Variants in CTNNA2 observed in about 807,000 individuals in gnomAD.
CTNNA2 encodes catenin alpha 2.
Under a neutral mutation model 101.0 loss-of-function variants are expected in CTNNA2, and 42 were observed. That is an observed-to-expected ratio of 0.42 (90% CI 0.32 to 0.54). The LOEUF is 0.54. CTNNA2 is among the 20% of genes least tolerant of loss of function. CTNNA2 has a pLI of 0.14. For missense variants in CTNNA2, 871 were observed against 1,223.1 expected (o/e 0.71, Z 4.29); for synonymous variants, 450 against 456.4 (o/e 0.99, Z 0.18).
chr2:80,391,685 C>T (rs1350345501), intron 7 of CTNNA2, among the ~76,000 whole-genome samples: 2 of 152,198 alleles, frequency 1.3e-5, no homozygotes, highest in Admixed American at 6.5e-5. Flanking sequence ...AGAGGCAGAG[C>T]ATTGAAGTCA....
chr2:80,582,294 A>G (rs917633802), intron 14 of CTNNA2, among the ~76,000 whole-genome samples: 7 of 152,164 alleles, frequency 4.6e-5, no homozygotes, highest in African/African-American at 7.2e-5. Context: ...ATGATATCTA[A>G]GACCGTATCT....
At chr2:79,202,348 T>TA (rs1553381693) in intron 2 of CTNNA2, among the ~76,000 whole-genome samples, 3 of 151,686 alleles carry the variant, frequency 2.0e-5, no homozygotes, top group African/African-American at 4.8e-5. Flanking sequence ...TTTTTTATTT[T>TA]TTTTATTTTT....
intron 7 of CTNNA2, among the ~76,000 whole-genome samples, chr2:80,315,588 G>A (rs1008063474): frequency 2.3e-4 from 35 of 152,134 alleles, no homozygotes; most frequent in African/African-American, 7.2e-4. Context: ...GTGATTGTAG[G>A]GTTCCAAGAG....
At chr2:79,342,489 T>G (rs1489507564) in intron 3 of CTNNA2, among the ~76,000 whole-genome samples, 1 of 152,248 alleles carries the variant, frequency 6.6e-6, no homozygotes, top group East Asian at 1.9e-4. Context: ...CTTCCACCTC[T>G]ATTTGATTCT....
intron 2 of CTNNA2, among the ~76,000 whole-genome samples, chr2:79,245,678 C>T (rs1010465028): frequency 6.6e-6 from 1 of 152,122 alleles, no homozygotes; most frequent in African/African-American, 2.4e-5. Context: ...CCTTTCAGTC[C>T]CACTGATTTA....
At chr2:80,038,102 TTAAAA>T (rs1695786330) in intron 7 of CTNNA2, among the ~76,000 whole-genome samples, 2 of 152,192 alleles carry the variant, frequency 1.3e-5, no homozygotes, top group Non-Finnish European at 2.9e-5. Context: ...TCTCATGGAC[TTAAAA>T]ATTTCATTTT....
At chr2:80,244,406 C>G (rs184938845) in intron 7 of CTNNA2, among the ~76,000 whole-genome samples, 1 of 152,334 alleles carries the variant, frequency 6.6e-6, no homozygotes, top group East Asian at 1.9e-4. Context: ...TACCTTTTCT[C>G]AGAACACAAG....
rs186844140 is a variant in CTNNA2, at chr2:79,884,458, A to C, written c.852+10116A>C. ...TGTCTCCAGAGACTGTCACTCACTC[A>C]CAAAATTGATAGGCTTTTATTTTCT... is the stretch of plus-strand genomic sequence containing the variant. On this transcript the variant is annotated intron_variant, in intron 6 of 18. Transcript: ENST00000402739. 3.2e-3 allele frequency among the ~76,000 whole-genome samples: 494 copies of C among 152,246 alleles called. 4 individuals are homozygous for C. The highest frequency in any genetic ancestry group is 0.012 in the African/African-American group (480 of 41,536).
intron 7 of CTNNA2, among the ~76,000 whole-genome samples, chr2:80,073,917 A>G (rs1321546408): frequency 6.6e-6 from 1 of 152,100 alleles, no homozygotes; most frequent in Non-Finnish European, 1.5e-5. Flanking sequence ...TCTCATGATT[A>G]ACTAATCCTC....
chr2:79,506,159 G>A (rs1159323129), intron 5 of CTNNA2, among the ~76,000 whole-genome samples: 1 of 152,136 alleles, frequency 6.6e-6, no homozygotes, highest in African/African-American at 2.4e-5. Flanking sequence ...TAATGTGTGT[G>A]TGCATGTGTG....
rs547743064 is a variant in CTNNA2, at chr2:79,549,770, G to A, written c.-6+36563G>A. Among the ~76,000 whole-genome samples, 15 of 152,228 alleles carry A rather than the reference G, an allele frequency of 9.9e-5. No individual in the cohort carries two copies. The East Asian group carries it at 2.7e-3, about 27-fold the overall frequency. ...AGTGCCAGATGGTGTATTAATTGGGGATATCATGGGAGGACCACTACCCCT... is the reference window on the plus strand; with the variant it reads ...AGTGCCAGATGGTGTATTAATTGGGAATATCATGGGAGGACCACTACCCCT... On this transcript the variant is annotated intron_variant, in intron 1 of 18. Coordinates refer to ENST00000402739, the MANE Select transcript of CTNNA2 (RefSeq NM_001282597.3).
chr2:80,555,584 T>A (rs1207893496), intron 11 of CTNNA2, 109 bp from the exon 12 acceptor site: 1 of 521,284 alleles, frequency 1.9e-6, no homozygotes, highest in Non-Finnish European at 3.3e-6. Context: ...TTATTAGGCA[T>A]GCATTGAGAT....
intron 12 of CTNNA2, among the ~76,000 whole-genome samples, chr2:80,569,091 T>G (rs1371306464): frequency 6.6e-6 from 1 of 152,108 alleles, no homozygotes; most frequent in Admixed American, 6.5e-5. Flanking sequence ...TTGTCAGCAG[T>G]CCTATTTGAA....
At chr2:79,253,466 C>A (rs1211339913) in intron 2 of CTNNA2, among the ~76,000 whole-genome samples, 1 of 152,190 alleles carries the variant, frequency 6.6e-6, no homozygotes, top group African/African-American at 2.4e-5. Context: ...TGCAAATCAG[C>A]CTGCATCTAT....
At chr2:79,534,540 T>C (rs375333093) in intron 1 of CTNNA2, among the ~76,000 whole-genome samples, 1 of 151,632 alleles carries the variant, frequency 6.6e-6, no homozygotes, top group South Asian at 2.1e-4. Context: ...AGTTTTTTTT[T>C]CCCTGTAAGC....
At chr2:80,509,901 A>T (rs1054912776) in intron 9 of CTNNA2, among the ~76,000 whole-genome samples, 3 of 152,204 alleles carry the variant, frequency 2.0e-5, no homozygotes, top group Non-Finnish European at 4.4e-5. Context: ...ATAGATATTC[A>T]GGCTTGAGAA....
intron 7 of CTNNA2, among the ~76,000 whole-genome samples, chr2:80,331,057 CA>C (rs1671281935): frequency 1.3e-5 from 2 of 150,410 alleles, no homozygotes; most frequent in Non-Finnish European, 2.9e-5. Context: ...CGGCTGCATC[CA>C]CTAAAGGCTT....
chr2:79,195,943 T>C (rs1673954795), intron 1 of CTNNA2: 1 of 439,774 alleles, frequency 2.3e-6, no homozygotes, highest in Non-Finnish European at 4.5e-6. Flanking sequence ...GTTTTTTGTT[T>C]GTTTGTTTTA....
intron 7 of CTNNA2, chr2:80,313,375 G>T (rs186061131): frequency 7.5e-7 from 1 of 1,336,846 alleles, no homozygotes; most frequent in Non-Finnish European, 9.6e-7. Flanking sequence ...AATTTTACCC[G>T]ATGAGAAGCA....
Sources: allele counts gnomAD v4.1 joint callset (sites outside exome capture counted in the v4.1 genomes callset), GRCh38; gene constraint gnomAD v4.1.1; transcripts MANE v1.5; gene names NCBI Gene and HGNC (gene_info 2026-07-23, HGNC 2026-07-21).